The following ANK2 variants were observed in gnomAD, a reference collection of about 807,000 sequenced individuals.
The protein encoded by ANK2 is ankyrin-2.
ANK2 carries 83 observed loss-of-function variants against 360.5 expected under a neutral mutation model. That is an observed-to-expected ratio of 0.23 (90% confidence interval 0.19 to 0.28). The LOEUF is 0.28. Ranked by LOEUF, ANK2 falls within the 10% of genes least tolerant of loss-of-function variation. ANK2 has a pLI of 1.00. For synonymous variants in ANK2, 1,740 were observed against 1,759.5 expected (o/e 0.99, Z 0.28); for missense variants, 4,201 against 4,795.7 (o/e 0.88, Z 3.66).
the ANK2 span, among the ~76,000 whole-genome samples, chr4:112,802,121 G>C: frequency 1.4e-4 from 21 of 152,120 alleles, no homozygotes; most frequent in African/African-American, 5.1e-4. Flanking sequence ...CAGGAGGAGT[G>C]GCAGGTTTCT....
chr4:113,293,729 G>A (rs942999001), intron 22 of ANK2, among the ~76,000 whole-genome samples, 191 bp downstream of exon 22: 1 of 152,152 alleles, frequency 6.6e-6, no homozygotes, highest in African/African-American at 2.4e-5. Flanking sequence ...ACAGGGCTTC[G>A]GCTTCCTTTA....
intron 1 of ANK2, among the ~76,000 whole-genome samples, chr4:112,843,615 G>A (rs1264669036): frequency 6.6e-6 from 1 of 152,026 alleles, no homozygotes; most frequent in East Asian, 1.9e-4. Flanking sequence ...GTGCGTTTTT[G>A]CACTTGGGAA....
At chr4:112,784,780 A>G in the ANK2 span, among the ~76,000 whole-genome samples, 2 of 152,032 alleles carry the variant, frequency 1.3e-5, no homozygotes, top group Non-Finnish European at 2.9e-5. Context: ...AAATCATCTT[A>G]TTTTGCTTTA....
the ANK2 span, chr4:112,788,032 A>G: frequency 1.0e-6 from 1 of 954,400 alleles, no homozygotes; most frequent in South Asian, 1.4e-5. Flanking sequence ...TTGAAGGAAA[A>G]TTTGTATTAT....
chr4:113,353,331 C>T lies in ANK2; in HGVS notation c.4713C>T (p.Cys1571=), dbSNP rs2095533798. ...ATGAAATCCTGAGAAGTGGAACCTG[C>T]ACAAGAGATGAAAGCAGTGTGCAGA... is the stretch of plus-strand genomic sequence containing the variant. ...KVNEILRSGT[C]TRDESSVQSS... The change falls in exon 38 of 46, where the codon TGC becomes TGT. Residue 1571 remains cysteine, a synonymous_variant. Transcript: ENST00000357077. 1 of 1,613,750 alleles carries T rather than the reference C, an allele frequency of 6.2e-7. No homozygotes were observed. The highest frequency in any genetic ancestry group is 1.7e-5 in the Admixed American group (1 of 59,964).
chr4:113,016,458 A>C (rs2056653013), intron 2 of ANK2, among the ~76,000 whole-genome samples: 1 of 152,064 alleles, frequency 6.6e-6, no homozygotes, highest in South Asian at 2.1e-4. Flanking sequence ...TTTGGCAACT[A>C]TCCTTTCCAC....
chr4:113,283,369 T>C (rs1188119699), intron 18 of ANK2, among the ~76,000 whole-genome samples: 2 of 152,142 alleles, frequency 1.3e-5, no homozygotes, highest in Non-Finnish European at 2.9e-5. Flanking sequence ...CACCTATGGA[T>C]AGGAGAGAGG....
At chr4:112,840,592 T>C (rs975283274) in intron 1 of ANK2, among the ~76,000 whole-genome samples, 6 of 152,132 alleles carry the variant, frequency 3.9e-5, no homozygotes, top group Non-Finnish European at 7.4e-5. Context: ...AGAGGAAGAA[T>C]ATAGCTGACA....
At chr4:112,841,440 G>C (rs1359290526) in intron 1 of ANK2, among the ~76,000 whole-genome samples, 3 of 152,132 alleles carry the variant, frequency 2.0e-5, no homozygotes, top group Non-Finnish European at 4.4e-5. Context: ...AGAGTTATTT[G>C]ACCTGAGTTC....
chr4:112,941,536 A>AAC (rs1252042663), intron 2 of ANK2, among the ~76,000 whole-genome samples: 4 of 103,064 alleles, frequency 3.9e-5, no homozygotes, highest in African/African-American at 2.1e-4. Flanking sequence ...TATAATTAAA[A>AAC]ACATATTTAG....
In ANK2 at chr4:113,196,451, G is replaced by A. The variant is rs376457094; in HGVS notation, c.270G>A (p.Val90=). 6.2e-7 allele frequency: 1 copy of A among 1,613,232 alleles called. No homozygotes were observed. Among genetic ancestry groups the A allele is most frequent in the Non-Finnish European group, 8.5e-7 (1 of 1,179,788 alleles). The stretch of plus-strand genomic sequence containing the variant: ...AGCTGCTGGGAAGAGGGTCCTCTGT[G>A]GATTCTGCCACTAAGGTAACATTTA... ...VQELLGRGSS[V]DSATKKGNTA... Residue 90 remains valine, a synonymous_variant, in exon 3 of 46, where the codon GTG becomes GTA. Coordinates refer to ENST00000357077, the MANE Select transcript of ANK2 (RefSeq NM_001148.6).
the ANK2 span, among the ~76,000 whole-genome samples, chr4:112,754,696 G>T: frequency 5.9e-5 from 9 of 152,126 alleles, no homozygotes; most frequent in Admixed American, 5.2e-4. Flanking sequence ...TCAATTTAAG[G>T]TCCCTGTTCC....
intron 2 of ANK2, among the ~76,000 whole-genome samples, chr4:112,988,711 TTTAC>T (rs1182563264): frequency 2.6e-5 from 4 of 152,238 alleles, no homozygotes; most frequent in Admixed American, 6.5e-5. Context: ...ATAACCTTCT[TTTAC>T]TTACTTTATC....
intron 26 of ANK2, among the ~76,000 whole-genome samples, chr4:113,321,160 T>G (rs1057341325): frequency 6.6e-6 from 1 of 152,248 alleles, no homozygotes; most frequent in Non-Finnish European, 1.5e-5. Context: ...AGTTTCCATA[T>G]CTATAAGATG....
the ANK2 span, among the ~76,000 whole-genome samples, chr4:112,765,659 CTT>C: frequency 5.0e-4 from 67 of 134,268 alleles, no homozygotes; most frequent in African/African-American, 1.6e-3. Flanking sequence ...CCCTCCCCCG[CTT>C]TTTTTTTTTT....
chr4:112,748,490 T>C, the ANK2 span, among the ~76,000 whole-genome samples: 1 of 152,226 alleles, frequency 6.6e-6, no homozygotes, highest in African/African-American at 2.4e-5. Context: ...TAATGACATA[T>C]TATTTTCACC....
chr4:113,175,141 C>T (rs975468257), intron 2 of ANK2, among the ~76,000 whole-genome samples: 5 of 152,094 alleles, frequency 3.3e-5, no homozygotes, highest in Non-Finnish European at 7.4e-5. Context: ...GCAGTATTCA[C>T]TTCAATGCTA....
intron 2 of ANK2, among the ~76,000 whole-genome samples, chr4:113,021,601 G>A (rs892805403): frequency 2.2e-5 from 3 of 139,222 alleles, no homozygotes; most frequent in Non-Finnish European, 3.1e-5. Flanking sequence ...TTATTTTGGG[G>A]TGTCGTGTTC....
chr4:112,867,355 T>A (rs2071008275), intron 1 of ANK2, among the ~76,000 whole-genome samples: 1 of 152,086 alleles, frequency 6.6e-6, no homozygotes, highest in Non-Finnish European at 1.5e-5. Context: ...TGTTTTTTCC[T>A]CCTATTCTTT....
Sources: gnomAD v4.1 joint callset for allele counts (sites outside exome capture counted in the v4.1 genomes callset) on GRCh38, gnomAD v4.1.1 for gene constraint, MANE v1.5 for transcripts, NCBI Gene and HGNC (gene_info 2026-07-23, HGNC 2026-07-21) for gene names.